TAF15: variants seen among roughly 807,000 people sequenced by gnomAD.
The protein encoded by TAF15 is TATA-box binding protein associated factor 15, also known as TATA-binding protein-associated factor 2N.
TAF15 carries 37 observed loss-of-function variants against 102.5 expected under a neutral mutation model. The observed-to-expected ratio is 0.36, with a 90% CI of 0.28 to 0.47. The LOEUF is 0.47. Among genes scored for constraint, TAF15 ranks in the 20% least tolerant of loss-of-function variants. The pLI is 0.99. For missense variants in TAF15, 652 were observed against 760.7 expected, an observed-to-expected ratio of 0.86 and a Z score of 1.68; for synonymous variants, 273 against 259.2, an observed-to-expected ratio of 1.05 and a Z score of -0.51.
At chr17:35,811,450 C>T (rs181964855) in intron 1 of TAF15, 3 of 152,062 alleles carry the variant, frequency 2.0e-5, no homozygotes, top group African/African-American at 7.2e-5. Context: ...AAGCTAGACT[C>T]TTTATATTCT....
At chr17:35,813,800 T>G (rs1416774918) in intron 1 of TAF15, among the ~76,000 whole-genome samples, 1 of 152,090 alleles carries the variant, frequency 6.6e-6, no homozygotes, top group African/African-American at 2.4e-5. Context: ...CATGAAACAT[T>G]CATACCTAGA....
In TAF15 at chr17:35,844,579, A is replaced by G. The variant is rs200046706; in HGVS notation, c.1280A>G (p.Tyr427Cys). The change falls in exon 15 of 16, where the codon TAT (tyrosine) becomes TGT (cysteine). Residue 427 changes from tyrosine to cysteine, a missense_variant. Transcript: ENST00000605844. ...GGTGGAGACAGAAGTGGGGGTGGCTATGGTGGAGACAGAAGCAGCGGTGGT... is the reference window on the plus strand; with the variant it reads ...GGTGGAGACAGAAGTGGGGGTGGCTGTGGTGGAGACAGAAGCAGCGGTGGT... ...GYGGDRSGGG[Y>C]GGDRSSGGGY... 129 of 1,581,236 alleles carry G rather than the reference A, an allele frequency of 8.2e-5. 1 individual carries two copies. In the East Asian group the frequency reaches 8.2e-4, roughly 10 times the overall value.
chr17:35,829,140 A>G lies in TAF15; in HGVS notation c.606-4767A>G, dbSNP rs1598534191. On this transcript the variant is annotated intron_variant, in intron 7 of 15. Transcript: ENST00000605844. ...TCACACTCAGAAAATTGTATTCTGG[A>G]TTTAGTAGTCTGAAAACCCAAGCAC... 3.3e-5 allele frequency among the ~76,000 whole-genome samples: 5 copies of G among 152,174 alleles called. 1 individual carries two copies. The highest frequency in any genetic ancestry group is 3.3e-4 in the Admixed American group (5 of 15,276).
At chr17:35,826,558 A>T (rs963881042) in intron 7 of TAF15, among the ~76,000 whole-genome samples, 8 of 136,780 alleles carry the variant, frequency 5.8e-5, no homozygotes, top group Non-Finnish European at 9.4e-5. Flanking sequence ...AGTTCATATA[A>T]TTTTTTTTTT....
chr17:35,842,484 C>G (rs1284194888), intron 12 of TAF15, 25 bp downstream of exon 12: 1 of 1,550,398 alleles, frequency 6.4e-7, no homozygotes, highest in African/African-American at 1.4e-5. Context: ...GCGTACAGTC[C>G]TGGATACTAT....
chr17:35,829,360 G>A (rs1257346524), intron 7 of TAF15, among the ~76,000 whole-genome samples: 1 of 150,324 alleles, frequency 6.7e-6, no homozygotes, highest in Non-Finnish European at 1.5e-5. Flanking sequence ...GAGGCTGGGC[G>A]TGGTAGTCAT....
At chr17:35,816,245 T>C (rs2087193517) in intron 1 of TAF15, among the ~76,000 whole-genome samples, 1 of 152,244 alleles carries the variant, frequency 6.6e-6, no homozygotes, top group African/African-American at 2.4e-5. Context: ...TATTTTCATA[T>C]TGTAGCGTTA....
intron 1 of TAF15, chr17:35,811,000 C>T (rs919484116): frequency 6.6e-6 from 1 of 152,102 alleles, no homozygotes; most frequent in African/African-American, 2.4e-5. Context: ...TTTCTAGGTA[C>T]GTAATTTGGG....
intron 9 of TAF15, among the ~76,000 whole-genome samples, chr17:35,835,656 T>C (rs576482455): frequency 7.9e-5 from 12 of 152,378 alleles, no homozygotes; most frequent in African/African-American, 2.9e-4. Flanking sequence ...CTCTGGTATA[T>C]ACAAAGCTTA....
chr17:35,835,376 A>G (rs985578327), intron 9 of TAF15, among the ~76,000 whole-genome samples: 37 of 152,220 alleles, frequency 2.4e-4, no homozygotes, highest in Non-Finnish European at 2.9e-4. Flanking sequence ...AGAGGTCACT[A>G]ATTTTCTGTG....
chr17:35,834,731 GC>G, intron 9 of TAF15, 133 bp downstream of exon 9: 8 of 486,114 alleles, frequency 1.6e-5, no homozygotes, highest in East Asian at 5.0e-5. Context: ...GAACTGGGGA[GC>G]TTTATTTCTT....
At chr17:35,837,326 T>TG (rs1404593439) in intron 10 of TAF15, among the ~76,000 whole-genome samples, 1 of 138,268 alleles carries the variant, frequency 7.2e-6, no homozygotes, top group African/African-American at 3.1e-5. Context: ...TAGTTAAAAA[T>TG]TTTTTTTTTT....
chr17:35,839,369 A>C (rs2087513799), intron 11 of TAF15, among the ~76,000 whole-genome samples: 1 of 93,888 alleles, frequency 1.1e-5, no homozygotes, highest in African/African-American at 4.9e-5. Context: ...GAAGAAATAG[A>C]CTTTTTTTTT....
At chr17:35,816,815 C>CCTTTT (rs2087200944) in intron 1 of TAF15, 13 of 57,424 alleles carry the variant, frequency 2.3e-4, no homozygotes, top group South Asian at 8.7e-4. Flanking sequence ...CCCACCCCCA[C>CCTTTT]TTTTTTTTTT....
At chr17:35,819,333 G>A (rs1274792847) in intron 2 of TAF15, among the ~76,000 whole-genome samples, 2 of 152,160 alleles carry the variant, frequency 1.3e-5, no homozygotes, top group African/African-American at 4.8e-5. Context: ...GATTCAGAAA[G>A]TTTGTTTCTG....
intron 6 of TAF15, 105 bp downstream of exon 6, chr17:35,822,938 T>C (rs2087281477): frequency 7.3e-7 from 1 of 1,374,722 alleles, no homozygotes. Context: ...TGTAAAAATT[T>C]AGGGTAACCT....
chr17:35,838,679 G>T lies in TAF15; in HGVS notation c.913+126G>T, dbSNP rs1269525212. ...ACTTTTGCAGATATTAAGAATACAGGTCAGAATTTTTATGTACCTTTAGAA... is the reference window on the plus strand; with the variant it reads ...ACTTTTGCAGATATTAAGAATACAGTTCAGAATTTTTATGTACCTTTAGAA... On this transcript the variant is annotated intron_variant, in intron 11 of 15. Coordinates refer to ENST00000605844, the MANE Select transcript of TAF15 (RefSeq NM_139215.3). The T allele has an allele frequency of 2.1e-6, 3 of 1,415,610 alleles. No homozygotes were observed. The South Asian group carries it at 3.6e-5, about 17-fold the overall frequency. The allele number at this position is 1,415,610 out of a possible 1,614,324, so 87.7% of individuals were successfully genotyped here.
chr17:35,843,180 A>G (rs955508292), intron 12 of TAF15, among the ~76,000 whole-genome samples: 2 of 148,868 alleles, frequency 1.3e-5, no homozygotes, highest in East Asian at 2.0e-4. Flanking sequence ...CTGGAGTACA[A>G]TGGCGCGTTC....
At chr17:35,824,316 G>T in intron 7 of TAF15, 118 bp downstream of exon 7, 1 of 1,344,346 alleles carries the variant, frequency 7.4e-7, no homozygotes, top group Non-Finnish European at 1.0e-6. Context: ...TTTAAAAAGG[G>T]ATTATATATT....
Sources: allele counts gnomAD v4.1 joint callset (sites outside exome capture counted in the v4.1 genomes callset), GRCh38; gene constraint gnomAD v4.1.1; transcripts MANE v1.5; gene names NCBI Gene and HGNC (gene_info 2026-07-23, HGNC 2026-07-21).